CRK: variants seen among roughly 807,000 people sequenced by gnomAD.
CRK encodes CRK proto-oncogene, adaptor protein.
Under a neutral mutation model 29.8 loss-of-function variants are expected in CRK, and 4 were observed. That is an observed-to-expected ratio of 0.13 (90% confidence interval 0.07 to 0.31). CRK has a LOEUF of 0.31. Ranked by LOEUF, CRK falls within the 10% of genes least tolerant of loss-of-function variation. The pLI, the probability that CRK is intolerant of heterozygous loss-of-function variation, is 1.00. For synonymous variants in CRK, 153 were observed against 164.9 expected (o/e 0.93, Z 0.55); for missense variants, 274 against 396.5 (o/e 0.69, Z 2.62).
intron 2 of CRK, among the ~76,000 whole-genome samples, chr17:1,434,792 CAAAA>C (rs376877954): frequency 2.4e-5 from 3 of 124,748 alleles, no homozygotes; most frequent in Admixed American, 8.8e-5. Flanking sequence ...CAAAAAGAAC[CAAAA>C]AAAAAAAAAA....
chr17:1,442,158 GT>G (rs56392950), intron 1 of CRK, among the ~76,000 whole-genome samples: 99,760 of 142,496 alleles, frequency 0.7, 34,742 homozygotes, highest in African/African-American at 0.77. Context: ...CGCCCGGCCT[GT>G]TTTTTTTTTT....
At position 1,422,092 on chromosome 17, in the gene CRK, T is replaced by G. The variant is rs1040504038; in HGVS notation, c.*1421A>C. On this transcript the variant is annotated 3_prime_UTR_variant, in exon 3 of 3. Coordinates refer to ENST00000300574, the MANE Select transcript of CRK (RefSeq NM_016823.4). The stretch of plus-strand genomic sequence containing the variant: ...ACAATGTAATGTTCTTCAACAGCAT[T>G]ACTCTCCCCATGAGAAATGAATAAT... 77 of 152,134 alleles carry G rather than the reference T, an allele frequency of 5.1e-4. No individual in the cohort carries two copies. The highest frequency in any genetic ancestry group is 1.8e-3 in the African/African-American group (75 of 41,518). The allele number at this position is 152,134 out of a possible 1,614,324, so 9.4% of individuals were successfully genotyped here.
chr17:1,442,424 T>C (rs533992447), intron 1 of CRK, among the ~76,000 whole-genome samples: 5 of 151,932 alleles, frequency 3.3e-5, no homozygotes, highest in African/African-American at 7.2e-5. Flanking sequence ...AGTACTGAGA[T>C]TGCAGATGTG....
chr17:1,452,760 A>G (rs1568023829), intron 1 of CRK, among the ~76,000 whole-genome samples: 1 of 152,008 alleles, frequency 6.6e-6, no homozygotes, highest in Non-Finnish European at 1.5e-5. Context: ...ATTGCGCTCC[A>G]GCGTGGGAGA....
intron 1 of CRK, among the ~76,000 whole-genome samples, chr17:1,442,671 G>A (rs929815816): frequency 7.1e-6 from 1 of 140,870 alleles, no homozygotes; most frequent in Non-Finnish European, 1.5e-5. Flanking sequence ...GCAGTGGCTG[G>A]ATGTCGGCTC....
chr17:1,438,647 A>C (rs77779613), intron 1 of CRK, among the ~76,000 whole-genome samples: 1,730 of 152,232 alleles, frequency 0.011, 13 homozygotes, highest in Middle Eastern at 0.034. Context: ...AAAACACTCA[A>C]CATCTGATAA....
At chr17:1,442,334 T>C (rs1369142707) in intron 1 of CRK, among the ~76,000 whole-genome samples, 1 of 151,888 alleles carries the variant, frequency 6.6e-6, no homozygotes, top group Admixed American at 6.6e-5. Context: ...GTATTTTTTG[T>C]GGAGATGGGG....
intron 1 of CRK, among the ~76,000 whole-genome samples, chr17:1,449,216 C>T (rs1298666582): frequency 6.6e-6 from 1 of 152,170 alleles, no homozygotes; most frequent in African/African-American, 2.4e-5. Context: ...GAGGCACCAT[C>T]TTATTTCCAA....
rs1316679797 is a variant in CRK at position 1,456,203 on chromosome 17, C to G, written c.-86G>C. 1.3e-5 allele frequency: 17 copies of G among 1,342,202 alleles called. No homozygotes were observed. The highest frequency in any genetic ancestry group is 2.0e-5 in the South Asian group (1 of 50,634). The allele number at this position is 1,342,202 out of a possible 1,614,324, so 83.1% of individuals were successfully genotyped here. On this transcript the variant is annotated 5_prime_UTR_variant, in exon 1 of 3. Transcript: ENST00000300574. ...CGCCCGCCGCCCAGCGGACCGGCTCCGGTTTCAGCTTCACAGCAGCGCCCG... is the reference window on the plus strand; with the variant it reads ...CGCCCGCCGCCCAGCGGACCGGCTCGGGTTTCAGCTTCACAGCAGCGCCCG...
intron 1 of CRK, among the ~76,000 whole-genome samples, chr17:1,445,709 G>A (rs569559178): frequency 1.3e-5 from 2 of 152,292 alleles, no homozygotes; most frequent in African/African-American, 4.8e-5. Context: ...CAGGGTCAGT[G>A]TGAGCGCATA....
At chr17:1,449,680 A>C (rs1212945819) in intron 1 of CRK, among the ~76,000 whole-genome samples, 1 of 151,964 alleles carries the variant, frequency 6.6e-6, no homozygotes, top group Admixed American at 6.6e-5. Context: ...TGTTCAAGAG[A>C]AAAAAAACTA....
Position 1,423,403 on chromosome 17 carries a change from C to T in CRK, c.*110G>A. ...AAAAAATATCACAGGTAACAGAATGCTTATATAAACTAGACTGCTTTTGAC... is the reference window on the plus strand; with the variant it reads ...AAAAAATATCACAGGTAACAGAATGTTTATATAAACTAGACTGCTTTTGAC... On this transcript the variant is annotated 3_prime_UTR_variant, in exon 3 of 3. Coordinates refer to ENST00000300574, the MANE Select transcript of CRK (RefSeq NM_016823.4). The T allele has an allele frequency of 7.5e-7, 1 of 1,324,962 alleles. No homozygotes were observed. The highest frequency in any genetic ancestry group is 1.5e-5 in the South Asian group (1 of 68,564). The allele number at this position is 1,324,962 out of a possible 1,614,324, so 82.1% of individuals were successfully genotyped here.
At chr17:1,429,116 G>A (rs1229253364) in intron 2 of CRK, among the ~76,000 whole-genome samples, 4 of 152,144 alleles carry the variant, frequency 2.6e-5, no homozygotes, top group Admixed American at 6.6e-5. Flanking sequence ...CCAAAGTGCT[G>A]GGATTACAGG....
chr17:1,423,938 A>C (rs2073751679), intron 2 of CRK, among the ~76,000 whole-genome samples: 1 of 152,236 alleles, frequency 6.6e-6, no homozygotes, highest in Non-Finnish European at 1.5e-5. Flanking sequence ...AATTATTGGA[A>C]ATCTCAGCTG....
At chr17:1,451,340 C>T (rs897665255) in intron 1 of CRK, among the ~76,000 whole-genome samples, 58 of 151,914 alleles carry the variant, frequency 3.8e-4, no homozygotes, top group African/African-American at 1.0e-3. Flanking sequence ...AAGCGATTCT[C>T]GTGCCTTAGC....
At chr17:1,434,792 C>CAAAAAAAAAAAAAAAAA in intron 2 of CRK, among the ~76,000 whole-genome samples, 1 of 124,750 alleles carries the variant, frequency 8.0e-6, no homozygotes. Context: ...CAAAAAGAAC[C>CAAAAAAAAAAAAAAAAA]AAAAAAAAAA....
chr17:1,423,190 C>A lies in CRK; in HGVS notation c.*323G>T. 2.0e-6 allele frequency: 1 copy of A among 493,070 alleles called. No individual in the cohort carries two copies. Among genetic ancestry groups the A allele is most frequent in the Non-Finnish European group, 3.6e-6 (1 of 280,850 alleles). 30.5% of individuals were successfully genotyped at this position (493,070 alleles called of 1,614,324 possible). On this transcript the variant is annotated 3_prime_UTR_variant, in exon 3 of 3. Coordinates refer to ENST00000300574, the MANE Select transcript of CRK (RefSeq NM_016823.4). ...GGTAAGCAGTGTGTAACACTCCTTC[C>A]TGTCCATCGGTTTTCCACAGGGTGA... is the stretch of plus-strand genomic sequence containing the variant.
At chr17:1,437,197 A>G in intron 1 of CRK, 42 bp from the exon 2 acceptor site, 2 of 1,518,626 alleles carry the variant, frequency 1.3e-6, no homozygotes, top group Non-Finnish European at 1.8e-6. Flanking sequence ...GATGTACTAC[A>G]CTGGAAATGA....
chr17:1,450,876 A>C (rs1456391780), intron 1 of CRK, among the ~76,000 whole-genome samples: 1 of 151,186 alleles, frequency 6.6e-6, no homozygotes, highest in Non-Finnish European at 1.5e-5. Context: ...ACAAGAGCGA[A>C]ACTCCCTCTC....
Sources: gnomAD v4.1 joint callset for allele counts (sites outside exome capture counted in the v4.1 genomes callset) on GRCh38, gnomAD v4.1.1 for gene constraint, MANE v1.5 for transcripts, NCBI Gene and HGNC (gene_info 2026-07-23, HGNC 2026-07-21) for gene names.